The following AKAP6 variants were observed in gnomAD, a reference collection of about 807,000 sequenced individuals.
The protein encoded by AKAP6 is A-kinase anchor protein 6.
A neutral mutation model predicts 188.5 loss-of-function variants in AKAP6; 58 were observed. The ratio of observed to expected loss-of-function variants is 0.31; its 90% CI spans 0.25 to 0.38. The LOEUF is 0.38. Among genes scored for constraint, AKAP6 ranks in the 10% least tolerant of loss-of-function variants. The pLI is 1.00. For missense variants in AKAP6, 2,710 were observed against 2,740.0 expected (o/e 0.99, Z 0.24); for synonymous variants, 989 against 998.6 (o/e 0.99, Z 0.18).
chr14:32,397,948 T>A (rs1805261), intron 1 of AKAP6, among the ~76,000 whole-genome samples: 120,831 of 152,114 alleles, frequency 0.79, 49,594 homozygotes, highest in Admixed American at 0.9. Flanking sequence ...TTTCATACTA[T>A]CCACAAAATA....
Position 32,361,053 on chromosome 14 carries a change from C to CATAT in AKAP6, c.-35+31648_-35+31649insTATA, listed in dbSNP as rs201231103. On this transcript the variant is annotated intron_variant, in intron 1 of 13. Transcript: ENST00000280979. ...TGTGAGCCACTGCACAAGGCCTGAA[C>CATAT]ATACATATATATATATATTTGAGAA... 1.0e-3 allele frequency among the ~76,000 whole-genome samples: 115 copies of CATAT among 111,942 alleles called. 7 individuals carry two copies. Among genetic ancestry groups the CATAT allele is most frequent in the African/African-American group, 4.2e-3 (105 of 25,252 alleles). 73.4% of individuals were successfully genotyped at this position (111,942 alleles called of 152,430 possible). A position where few individuals can be genotyped will look rare whatever the true frequency, so the allele number is the denominator to read the frequency against.
intron 1 of AKAP6, among the ~76,000 whole-genome samples, chr14:32,381,405 A>C (rs921470473): frequency 1.3e-5 from 2 of 152,194 alleles, no homozygotes; most frequent in African/African-American, 4.8e-5. Context: ...TTTACTTATG[A>C]AGAGAAACTT....
rs560362611 is a variant in AKAP6 at position 32,813,398 on chromosome 14, C to G, written c.3589-8004C>G. Among the ~76,000 whole-genome samples, 410 of 125,074 alleles carry G rather than the reference C, an allele frequency of 3.3e-3. 18 individuals are homozygous for G. The highest frequency in any genetic ancestry group is 0.011 in the African/African-American group (365 of 31,754). The allele number at this position is 125,074 out of a possible 152,430, so 82.1% of individuals were successfully genotyped here. A position where few individuals can be genotyped will look rare whatever the true frequency, so the allele number is the denominator to read the frequency against. On this transcript the variant is annotated intron_variant, in intron 12 of 13. Coordinates refer to ENST00000280979, the MANE Select transcript of AKAP6 (RefSeq NM_004274.5). ...TTTCATCTCTAACCCTACCCCCCCC[C>G]CCAACCCCTTTCCCAGAGGTCCTTC...
At chr14:32,707,128 T>C (rs1057134416) in intron 9 of AKAP6, among the ~76,000 whole-genome samples, 6 of 152,124 alleles carry the variant, frequency 3.9e-5, no homozygotes, top group African/African-American at 2.4e-5. Context: ...ATGTGTTTAT[T>C]CACATACATT....
At chr14:32,699,485 A>G (rs533634044) in intron 9 of AKAP6, among the ~76,000 whole-genome samples, 6 of 152,296 alleles carry the variant, frequency 3.9e-5, no homozygotes, top group Non-Finnish European at 4.4e-5. Flanking sequence ...TGTTATTTTT[A>G]TATTGTTAGA....
rs1196433489 is a variant in AKAP6, at chr14:32,546,527, A to G, written c.1874A>G (p.Tyr625Cys). 3 of 1,614,042 alleles carry G rather than the reference A, an allele frequency of 1.9e-6. No individual in the cohort carries two copies. Among genetic ancestry groups the G allele is most frequent in the South Asian group, 1.1e-5 (1 of 91,082 alleles). ...TRNGEVVEAW[Y>C]GSDEYLALPS... ...AATGGTGAGGTTGTGGAGGCCTGGT[A>G]TGGCTCTGATGAATACCTAGCACTG... Residue 625 changes from tyrosine to cysteine, a missense_variant, in exon 4 of 14, where the codon TAT becomes TGT. Tyr to Cys is a radical substitution (Grantham distance 194). Around this residue, in one of 2 missense-constraint regions of AKAP6, gnomAD observed 2,473 missense variants for 2,426.1 expected, o/e 1.02. Coordinates refer to ENST00000280979, the MANE Select transcript of AKAP6 (RefSeq NM_004274.5).
At chr14:32,730,841 A>G (rs1176842595) in intron 9 of AKAP6, among the ~76,000 whole-genome samples, 1 of 152,198 alleles carries the variant, frequency 6.6e-6, no homozygotes. Flanking sequence ...TCTGACAAAT[A>G]AAACACTATC....
intron 7 of AKAP6, among the ~76,000 whole-genome samples, chr14:32,613,784 C>T (rs1017703382): frequency 7.9e-5 from 12 of 152,262 alleles, no homozygotes; most frequent in Non-Finnish European, 1.2e-4. Context: ...CTCTTCTTAA[C>T]GAGCTCTTCT....
chr14:32,546,065 T>C lies in AKAP6; in HGVS notation c.1412T>C (p.Val471Ala), dbSNP rs762506880. ...GGGAATGGGAACCTTGAAAACACAG[T>C]CAAATTTCACATTAAAGAAATTTCT... The part of the protein sequence containing the change: ...KVGNGNLENT[V>A]KFHIKEISSS... Residue 471 changes from valine (V) to alanine (A), a missense_variant, in exon 4 of 14, where the codon GTC becomes GCC. This residue lies in a region of AKAP6 where 2,473 missense variants were observed against 2,426.1 expected (regional missense o/e 1.02). Coordinates refer to ENST00000280979, the MANE Select transcript of AKAP6 (RefSeq NM_004274.5). 19 of 1,614,176 alleles carry C rather than the reference T, an allele frequency of 1.2e-5. No individual in the cohort carries two copies. Among genetic ancestry groups the C allele is most frequent in the Non-Finnish European group, 1.5e-5 (18 of 1,180,026 alleles).
At chr14:32,357,319 G>A (rs17484261) in intron 1 of AKAP6, among the ~76,000 whole-genome samples, 8,590 of 152,272 alleles carry the variant, frequency 0.056, 373 homozygotes, top group Non-Finnish European at 0.082. Flanking sequence ...AACTGTTGCT[G>A]TGCAGGGAAA....
chr14:32,771,506 G>A (rs2032897154), intron 11 of AKAP6, among the ~76,000 whole-genome samples: 1 of 152,098 alleles, frequency 6.6e-6, no homozygotes, highest in Admixed American at 6.6e-5. Context: ...ATACATTCTA[G>A]ATACTTACAA....
At chr14:32,780,864 T>C (rs763335169) in intron 12 of AKAP6, among the ~76,000 whole-genome samples, 5 of 152,128 alleles carry the variant, frequency 3.3e-5, no homozygotes, top group African/African-American at 4.8e-5. Flanking sequence ...TGGAAAATCC[T>C]CAAATACATG....
Position 32,712,296 on chromosome 14 carries a change from C to A in AKAP6, c.3000+16186C>A, listed in dbSNP as rs147061918. The stretch of plus-strand genomic sequence containing the variant: ...AGATCCTAAAGATCATCTGAGCCTT[C>A]AGCAAGTCATAATCTTTTTGCTGGT... On this transcript the variant is annotated intron_variant, in intron 9 of 13. Transcript: ENST00000280979. 7.2e-5 allele frequency among the ~76,000 whole-genome samples: 11 copies of A among 152,134 alleles called. No homozygotes were observed. In the East Asian group the frequency reaches 2.1e-3, roughly 29 times the overall value.
chr14:32,458,539 G>A (rs1381790025), intron 2 of AKAP6, among the ~76,000 whole-genome samples: 1 of 151,992 alleles, frequency 6.6e-6, no homozygotes, highest in Non-Finnish European at 1.5e-5. Context: ...AGTCACAATA[G>A]GAATGAAGAA....
In AKAP6 at chr14:32,484,140, C is replaced by T. The variant is rs1334090032; in HGVS notation, c.324+50323C>T. The T allele has an allele frequency of 3.4e-5, 3 of 87,484 alleles. 1 individual carries two copies. The highest frequency in any genetic ancestry group is 2.2e-4 in the African/African-American group (2 of 9,278). 5.4% of individuals were successfully genotyped at this position (87,484 alleles called of 1,614,324 possible). A position where few individuals can be genotyped will look rare whatever the true frequency, so the allele number is the denominator to read the frequency against. On this transcript the variant is annotated intron_variant, in intron 2 of 13. Coordinates refer to ENST00000280979, the MANE Select transcript of AKAP6 (RefSeq NM_004274.5). Reference sequence around the variant, plus strand: ...ATAGGGTCCCCTCCCCTGGCTGGGTCGAAGAAGGTGGTGTTGAGGTTATGG... The same window carrying T: ...ATAGGGTCCCCTCCCCTGGCTGGGTTGAAGAAGGTGGTGTTGAGGTTATGG...
chr14:32,487,880 A>C (rs890369293), intron 2 of AKAP6, among the ~76,000 whole-genome samples: 1 of 152,194 alleles, frequency 6.6e-6, no homozygotes, highest in Non-Finnish European at 1.5e-5. Flanking sequence ...GCTGAGGAAC[A>C]GCAAAGATTG....
Position 32,485,994 on chromosome 14 carries a change from A to G in AKAP6, c.325-49560A>G, listed in dbSNP as rs1438868179. On this transcript the variant is annotated intron_variant, in intron 2 of 13. Transcript: ENST00000280979. ...CAATCCATCTTGAGTTAATTTTTGT[A>G]TAAGGTGTAAGGAAGGGGTCTAGTT... Among the ~76,000 whole-genome samples, 3 of 152,272 alleles carry G rather than the reference A, an allele frequency of 2.0e-5. No homozygotes were observed. The East Asian group carries it at 5.8e-4, about 29-fold the overall frequency.
At chr14:32,808,283 G>A (rs1296217581) in intron 12 of AKAP6, among the ~76,000 whole-genome samples, 1 of 152,164 alleles carries the variant, frequency 6.6e-6, no homozygotes, top group Non-Finnish European at 1.5e-5. Context: ...GAAGAGAGAA[G>A]ACACATTAGC....
chr14:32,815,815 T>C (rs1228157366), intron 12 of AKAP6, among the ~76,000 whole-genome samples: 2 of 152,206 alleles, frequency 1.3e-5, no homozygotes, highest in Admixed American at 1.3e-4. Flanking sequence ...ACGTACATTT[T>C]AGTAATTTAA....
Sources: gnomAD v4.1 joint callset for allele counts (sites outside exome capture counted in the v4.1 genomes callset) on GRCh38, gnomAD v4.1.1 for gene constraint, gnomAD v4.1.1 regional missense constraint, MANE v1.5 for transcripts, NCBI Gene and HGNC (gene_info 2026-07-23, HGNC 2026-07-21) for gene names.